ABCA3: variants seen among roughly 807,000 people sequenced by gnomAD.
ABCA3 encodes phospholipid-transporting ATPase ABCA3.
ABCA3 carries 88 observed loss-of-function variants against 172.8 expected under a neutral mutation model. That is an observed-to-expected ratio of 0.51 (90% CI 0.43 to 0.61). The LOEUF is 0.61. Among genes scored for constraint, ABCA3 ranks in the 20% least tolerant of loss-of-function variants. The pLI is 0.00. For missense variants in ABCA3, 2,164 were observed against 2,301.0 expected (o/e 0.94, Z 1.22); for synonymous variants, 1,066 against 983.8 (o/e 1.08, Z -1.56).
intron 19 of ABCA3, 52 bp downstream of exon 19, chr16:2,292,088 C>T (rs2093672944): frequency 6.8e-7 from 1 of 1,464,700 alleles, no homozygotes; most frequent in Admixed American, 1.7e-5. Flanking sequence ...AAAAAAAGTC[C>T]TCTGCAGCAC....
At chr16:2,313,506 T>C (rs2093709779) in intron 10 of ABCA3, among the ~76,000 whole-genome samples, 1 of 142,520 alleles carries the variant, frequency 7.0e-6, no homozygotes, top group Non-Finnish European at 1.5e-5. Context: ...TGAGCCAAGA[T>C]TGTGCCACTA....
rs760817596 is a variant in ABCA3 at position 2,278,364 on chromosome 16, C to T, written c.4642G>A (p.Val1548Met). Residue 1548 changes from valine (V) to methionine (M), a missense_variant, in exon 30 of 33, where the codon GTG becomes ATG. By Grantham distance (21) the Val-to-Met change is conservative. Transcript: ENST00000301732. This position sits in a 1 kb window ranked among gnomAD's most constrained non-coding sequence, Gnocchi z 4.4. ...LDEPSTGMDPVARRLLWDTVA... is the reference protein window; with the variant it reads ...LDEPSTGMDPMARRLLWDTVA... ...GTGTCCCAAAGCAGGCGCCGGGCCA[C>T]GGGGTCCATGCCAGTGGACGGCTCG... 5.6e-6 allele frequency: 9 copies of T among 1,612,380 alleles called. No individual in the cohort carries two copies. The highest frequency in any genetic ancestry group is 5.0e-5 in the Admixed American group (3 of 60,032).
At chr16:2,315,865 T>G (rs12923951) in intron 10 of ABCA3, among the ~76,000 whole-genome samples, 6 of 125,206 alleles carry the variant, frequency 4.8e-5, no homozygotes, top group African/African-American at 1.7e-4. Context: ...TTTTTTTTTG[T>G]AGAGACAGGG....
rs1393996031 is a variant in ABCA3 at position 2,281,020 on chromosome 16, C to G, written c.4359+7G>C. On this transcript the variant is annotated splice_region_variant and intron_variant, in intron 28 of 32. Transcript: ENST00000301732. This position sits in a 1 kb window ranked among gnomAD's most constrained non-coding sequence, Gnocchi z 4.7. ...CACCCCTTCAGAGCCTCCCTGGCTG[C>G]ACCCACCTTTCCGACATCAGAGCTG... The G allele has an allele frequency of 6.2e-7, 1 of 1,613,896 alleles. No homozygotes were observed. The highest frequency in any genetic ancestry group is 8.5e-7 in the Non-Finnish European group (1 of 1,180,030).
At position 2,281,096 on chromosome 16, in the gene ABCA3, G is replaced by A. The variant is rs189737924; in HGVS notation, c.4290C>T (p.Thr1430=). Residue 1430 remains threonine, a synonymous_variant, in exon 28 of 33, where the codon ACC becomes ACT. Coordinates refer to ENST00000301732, the MANE Select transcript of ABCA3 (RefSeq NM_001089.3). The surrounding 1 kb of genome is among the most constrained non-coding windows in gnomAD (Gnocchi z 4.7). ...AGKTTTFKML[T]GEESLTSGDA... is the part of the protein sequence containing the mutation. ...CCCCAGAAGTGAGGCTCTCCTCCCC[G>A]GTCAGCATTTTGAAAGTCGTGGTCT... 24 of 1,613,798 alleles carry A rather than the reference G, an allele frequency of 1.5e-5. No individual in the cohort carries two copies. The highest frequency in any genetic ancestry group is 3.3e-5 in the South Asian group (3 of 91,054).
At chr16:2,328,783 C>T (rs1033911140) in intron 2 of ABCA3, 26 bp from the exon 3 acceptor site, 16 of 260,260 alleles carry the variant, frequency 6.1e-5, no homozygotes, top group Non-Finnish European at 1.3e-4. Flanking sequence ...CATCATCCAT[C>T]AGCCAGGTTA....
chr16:2,319,167 A>G (rs1004787671), intron 8 of ABCA3, among the ~76,000 whole-genome samples: 1 of 151,920 alleles, frequency 6.6e-6, no homozygotes, highest in Non-Finnish European at 1.5e-5. Flanking sequence ...TGAGGCCAAG[A>G]GTTTGAGACC....
chr16:2,282,912 TC>T lies in ABCA3; in HGVS notation c.4035+273del, dbSNP rs1360777928. ...CATCCCCTCCTCCAGGCACTGGGTG[TC>T]CCTGGGCACCACCTCTCCTCAGCAG... is the stretch of plus-strand genomic sequence containing the variant. On this transcript the variant is annotated intron_variant, in intron 26 of 32. Transcript: ENST00000301732. Among the ~76,000 whole-genome samples, 9 of 152,218 alleles carry T rather than the reference TC, an allele frequency of 5.9e-5. No individual in the cohort carries two copies. The East Asian group carries it at 1.7e-3, about 29-fold the overall frequency.
chr16:2,307,016 C>CAAAAAAAAAAAAAAAAAAAA (rs201661615), intron 11 of ABCA3, among the ~76,000 whole-genome samples: 18 of 66,000 alleles, frequency 2.7e-4, no homozygotes, highest in Non-Finnish European at 4.6e-4. Flanking sequence ...GACTCCGTCT[C>CAAAAAAAAAAAAAAAAAAAA]AAAAAAAAAA....
intron 17 of ABCA3, among the ~76,000 whole-genome samples, 187 bp from the exon 18 acceptor site, chr16:2,295,927 C>T (rs1252925693): frequency 2.0e-5 from 3 of 152,140 alleles, no homozygotes; most frequent in Admixed American, 1.3e-4. Context: ...TGTCACCTCC[C>T]GCTCCTGCTG....
chr16:2,297,971 G>C lies in ABCA3; in HGVS notation c.1897-50C>G. 1 of 1,608,520 alleles carries C rather than the reference G, an allele frequency of 6.2e-7. No homozygotes were observed. The highest frequency in any genetic ancestry group is 8.5e-7 in the Non-Finnish European group (1 of 1,178,092). On this transcript the variant is annotated intron_variant, in intron 15 of 32. Transcript: ENST00000301732. The surrounding 1 kb of genome is among the most constrained non-coding windows in gnomAD (Gnocchi z 5.6). ...GATGCAGGGCTCCTGGCGGGAGGCC[G>C]ACCCTGGCCAGCGAGGTTCTGGTGA...
chr16:2,289,718 C>T, intron 19 of ABCA3, 98 bp from the exon 20 acceptor site: 2 of 1,316,728 alleles, frequency 1.5e-6, no homozygotes, highest in East Asian at 2.5e-5. Flanking sequence ...AGTGTTGCCG[C>T]AGTCCTTGGC....
Position 2,283,372 on chromosome 16 carries a change from G to A in ABCA3, c.3863-14C>T, listed in dbSNP as rs557903238. 2.5e-6 allele frequency: 4 copies of A among 1,611,302 alleles called. No homozygotes were observed. Among genetic ancestry groups the A allele is most frequent in the African/African-American group, 1.3e-5 (1 of 74,998 alleles). On this transcript the variant is annotated splice_polypyrimidine_tract_variant and intron_variant, in intron 25 of 32. Coordinates refer to ENST00000301732, the MANE Select transcript of ABCA3 (RefSeq NM_001089.3). This position sits in a 1 kb window ranked among gnomAD's most constrained non-coding sequence, Gnocchi z 5.4. ...GGTACTGGATGTCTGTGGGGCGAGGGAGTCACTGTGCCCCGAGGCCTGGGG... is the reference window on the plus strand; with the variant it reads ...GGTACTGGATGTCTGTGGGGCGAGGAAGTCACTGTGCCCCGAGGCCTGGGG...
In ABCA3 at chr16:2,289,415, C is replaced by A; in HGVS notation, c.2700+19G>T. ...GCTCGCCCTTCCCCCGCCACCCGCC[C>A]ACCCACCTGGGCACTCACCCCAGTG... On this transcript the variant is annotated intron_variant, in intron 20 of 32. Coordinates refer to ENST00000301732, the MANE Select transcript of ABCA3 (RefSeq NM_001089.3). The A allele has an allele frequency of 6.4e-7, 1 of 1,568,184 alleles. No homozygotes were observed. The highest frequency in any genetic ancestry group is 1.3e-5 in the African/African-American group (1 of 74,690).
At chr16:2,309,988 A>T (rs1449873023) in intron 10 of ABCA3, among the ~76,000 whole-genome samples, 1 of 152,176 alleles carries the variant, frequency 6.6e-6, no homozygotes, top group Non-Finnish European at 1.5e-5. Context: ...AGGGCTTTTT[A>T]AATGTGGGTT....
rs1380444846 is a variant in ABCA3 at position 2,326,248 on chromosome 16, C to T, written c.81G>A (p.Leu27=). ...AAAACAGCAATGGCAGGAAGAGTTC[C>T]AGGACCGTCACCAGGACCTTCCGCT... ...LQKRKVLVTV[L]ELFLPLLFSG... is the part of the protein sequence containing the mutation. Residue 27 remains leucine (L), a synonymous_variant, in exon 5 of 33, where the codon CTG becomes CTA. Coordinates refer to ENST00000301732, the MANE Select transcript of ABCA3 (RefSeq NM_001089.3). 1 of 1,613,634 alleles carries T rather than the reference C, an allele frequency of 6.2e-7. No individual in the cohort carries two copies. Among genetic ancestry groups the T allele is most frequent in the South Asian group, 1.1e-5 (1 of 91,084 alleles).
rs762747300 is a variant in ABCA3 at position 2,324,409 on chromosome 16, G to A, written c.442C>T (p.Leu148=). The change falls in exon 6 of 33, where the codon CTG becomes TTG. Residue 148 remains leucine, a synonymous_variant. Transcript: ENST00000301732. The part of the protein sequence containing the change: ...PFNHSKEPLP[L]AVKYHLRFSY... ...GGCCCGGCCGCACGTCTCACCGCCAGCGGCAGGGGCTCCTTGCTGTGGTTG... is the reference window on the plus strand; with the variant it reads ...GGCCCGGCCGCACGTCTCACCGCCAACGGCAGGGGCTCCTTGCTGTGGTTG... The A allele has an allele frequency of 1.3e-6, 2 of 1,597,580 alleles. No homozygotes were observed. The highest frequency in any genetic ancestry group is 2.2e-5 in the South Asian group (2 of 89,458).
rs560604310 is a variant in ABCA3, at chr16:2,277,972, C to T, written c.4816G>A (p.Gly1606Ser). 5.6e-6 allele frequency: 9 copies of T among 1,613,038 alleles called. No individual in the cohort carries two copies. The highest frequency in any genetic ancestry group is 4.0e-5 in the African/African-American group (3 of 75,026). The change falls in exon 31 of 33, where the codon GGC becomes AGC. Residue 1606 changes from glycine (G) to serine (S), a missense_variant. Coordinates refer to ENST00000301732, the MANE Select transcript of ABCA3 (RefSeq NM_001089.3). This position sits in a 1 kb window ranked among gnomAD's most constrained non-coding sequence, Gnocchi z 5.3. ...GSPQHLKSKF[G>S]SGYSLRAKVQ... is the part of the protein sequence containing the mutation. ...TTGGCCCGCAGGGAGTAGCCGCTGC[C>T]GAACTTGCTCTTGAGGTGCTGGGGG...
intron 1 of ABCA3, among the ~76,000 whole-genome samples, chr16:2,330,553 C>A (rs2093741470): frequency 6.6e-6 from 1 of 151,824 alleles, no homozygotes; most frequent in Non-Finnish European, 1.5e-5. Context: ...CTCCTGACCT[C>A]AAGTGATCCG....
Sources: allele counts gnomAD v4.1 joint callset (sites outside exome capture counted in the v4.1 genomes callset), GRCh38; gene constraint gnomAD v4.1.1; non-coding constraint Gnocchi (gnomAD v3.1); transcripts MANE v1.5; gene names NCBI Gene and HGNC (gene_info 2026-07-23, HGNC 2026-07-21).